The following PDE1A variants were observed in gnomAD, a reference collection of about 807,000 sequenced individuals.
The protein encoded by PDE1A is dual specificity calcium/calmodulin-dependent 3',5'-cyclic nucleotide phosphodiesterase 1A.
A neutral mutation model predicts 61.7 loss-of-function variants in PDE1A; 35 were observed. The observed-to-expected ratio is 0.57, with a 90% CI of 0.43 to 0.75. The LOEUF (loss-of-function observed/expected upper bound fraction) is 0.75. Ranked by LOEUF, PDE1A falls within the 30% of genes least tolerant of loss-of-function variation. The pLI, the probability that PDE1A is intolerant of heterozygous loss-of-function variation, is 0.00. For synonymous variants in PDE1A, 232 were observed against 213.2 expected (o/e 1.09, Z -0.77); for missense variants, 597 against 630.6 (o/e 0.95, Z 0.57).
chr2:182,234,336 G>A (rs956230026), intron 4 of PDE1A, 96 bp downstream of exon 4: 3 of 762,746 alleles, frequency 3.9e-6, no homozygotes, highest in Non-Finnish European at 6.8e-6. Flanking sequence ...TAAGATGTAG[G>A]CTGCAGTAAA....
the PDE1A span, among the ~76,000 whole-genome samples, chr2:182,553,288 A>T: frequency 2.6e-5 from 4 of 152,276 alleles, no homozygotes; most frequent in East Asian, 7.7e-4. Flanking sequence ...GTGCTCTGTG[A>T]GCAAGGACCC....
chr2:182,351,574 A>G (rs189656172), intron 1 of PDE1A, among the ~76,000 whole-genome samples: 44 of 152,318 alleles, frequency 2.9e-4, no homozygotes, highest in African/African-American at 1.0e-3. Flanking sequence ...GATATCAGAG[A>G]ATGTCATTTT....
intron 2 of PDE1A, among the ~76,000 whole-genome samples, chr2:182,513,230 C>A (rs763268162): frequency 5.9e-5 from 9 of 152,134 alleles, no homozygotes; most frequent in Non-Finnish European, 1.0e-4. Flanking sequence ...AGAGAACTCC[C>A]TTAGGCTAAT....
At chr2:182,196,441 T>G (rs925854321) in intron 10 of PDE1A, among the ~76,000 whole-genome samples, 3 of 151,908 alleles carry the variant, frequency 2.0e-5, no homozygotes, top group Admixed American at 6.6e-5. Context: ...CACAGTAATT[T>G]TTTTAGGGTC....
chr2:182,569,080 A>G, the PDE1A span, among the ~76,000 whole-genome samples: 2 of 151,776 alleles, frequency 1.3e-5, no homozygotes, highest in South Asian at 2.1e-4. Context: ...TGACAAAACC[A>G]TATCTCTAAA....
intron 13 of PDE1A, among the ~76,000 whole-genome samples, chr2:182,154,508 G>A (rs558876579): frequency 5.8e-4 from 88 of 152,272 alleles, no homozygotes; most frequent in African/African-American, 2.0e-3. Flanking sequence ...GGCAGGGCCA[G>A]GTGAAGATAA....
In PDE1A at chr2:182,330,069, A is replaced by G. The variant is rs191497087; in HGVS notation, c.54-65655T>C. On this transcript the variant is annotated intron_variant, in intron 1 of 13. Transcript: ENST00000351439. ...ACCATCTGTTATTTCTCGGTTGGGC[A>G]TCGTGGCTCAACGTCTGTAATCCCA... 1.9e-3 allele frequency among the ~76,000 whole-genome samples: 282 copies of G among 152,106 alleles called. 1 individual carries two copies. The highest frequency in any genetic ancestry group is 3.3e-3 in the Non-Finnish European group (224 of 67,958).
At chr2:182,394,356 T>C (rs1257538999) in intron 1 of PDE1A, among the ~76,000 whole-genome samples, 1 of 152,152 alleles carries the variant, frequency 6.6e-6, no homozygotes, top group African/African-American at 2.4e-5. Flanking sequence ...TCAGATTTCA[T>C]TAGACTTATT....
rs80236906 is a variant in PDE1A at position 182,511,888 on chromosome 2, C to T, written c.101+10388G>A. The stretch of plus-strand genomic sequence containing the variant: ...AGAGCTTCTGCAGATGGGCCCCTGC[C>T]AGTGCACACCCATCTGCCGCTTCCC... On this transcript the variant is annotated intron_variant, in intron 2 of 14. Transcript: ENST00000410103. 2.9e-3 allele frequency among the ~76,000 whole-genome samples: 435 copies of T among 152,254 alleles called. 1 individual carries two copies. The highest frequency in any genetic ancestry group is 9.3e-3 in the African/African-American group (387 of 41,554).
At chr2:182,322,309 C>T (rs1036913574) in intron 1 of PDE1A, among the ~76,000 whole-genome samples, 4 of 152,154 alleles carry the variant, frequency 2.6e-5, no homozygotes, top group African/African-American at 9.7e-5. Context: ...CTACCCAAAT[C>T]TCATCTCGAA....
chr2:182,241,743 G>A, intron 2 of PDE1A: 5 of 1,035,752 alleles, frequency 4.8e-6, no homozygotes, highest in Non-Finnish European at 6.8e-6. Context: ...AAAGATACGT[G>A]TATACATATA....
the PDE1A span, among the ~76,000 whole-genome samples, chr2:182,657,817 C>T: frequency 1.3e-5 from 2 of 152,078 alleles, no homozygotes; most frequent in Admixed American, 1.3e-4. Context: ...CTAAGTTTAG[C>T]TGTCCCTTTG....
At chr2:182,373,400 G>A (rs577412419) in intron 1 of PDE1A, among the ~76,000 whole-genome samples, 5 of 152,094 alleles carry the variant, frequency 3.3e-5, no homozygotes, top group African/African-American at 9.7e-5. Context: ...TTACTTCTTC[G>A]ACAATCTATT....
chr2:182,350,145 A>C (rs1024139815), intron 1 of PDE1A, among the ~76,000 whole-genome samples: 5 of 152,226 alleles, frequency 3.3e-5, no homozygotes, highest in Admixed American at 1.3e-4. Context: ...CCTATTTTTA[A>C]AATGCATATA....
At chr2:182,312,989 AT>A (rs1696090326) in intron 1 of PDE1A, among the ~76,000 whole-genome samples, 1 of 152,194 alleles carries the variant, frequency 6.6e-6, no homozygotes. Flanking sequence ...ATGCTTTAAA[AT>A]TTTAATACAT....
At chr2:182,256,038 C>CTTTTTTTTTTTTTTTTTTTTTTTTT (rs755211798) in intron 2 of PDE1A, among the ~76,000 whole-genome samples, 9 of 92,320 alleles carry the variant, frequency 9.7e-5, no homozygotes, top group Admixed American at 1.2e-4. Flanking sequence ...AGGATGACTT[C>CTTTTTTTTTTTTTTTTTTTTTTTTT]TTTTTTTTTT....
intron 13 of PDE1A, among the ~76,000 whole-genome samples, chr2:182,158,925 T>A (rs573429459): frequency 6.6e-6 from 1 of 152,252 alleles, no homozygotes; most frequent in East Asian, 1.9e-4. Context: ...ATCAAATACT[T>A]TAGTTATACA....
At chr2:182,569,453 G>A in the PDE1A span, among the ~76,000 whole-genome samples, 1 of 152,022 alleles carries the variant, frequency 6.6e-6, no homozygotes, top group South Asian at 2.1e-4. Context: ...ATCATTCTGA[G>A]TGTCCTCTTT....
intron 7 of PDE1A, among the ~76,000 whole-genome samples, chr2:182,208,210 C>G (rs1173761352): frequency 1.1e-4 from 16 of 152,062 alleles, no homozygotes; most frequent in Non-Finnish European, 2.4e-4. Context: ...AAAGATAGTA[C>G]CTGAGGCTGG....
Sources: allele counts gnomAD v4.1 joint callset (sites outside exome capture counted in the v4.1 genomes callset), GRCh38; gene constraint gnomAD v4.1.1; transcripts MANE v1.5; gene names NCBI Gene and HGNC (gene_info 2026-07-23, HGNC 2026-07-21).